ZNF831: variants seen among roughly 807,000 people sequenced by gnomAD.
ZNF831 encodes the protein zinc finger protein 831.
ZNF831 carries 59 observed loss-of-function variants against 95.8 expected under a neutral mutation model. That is an observed-to-expected ratio of 0.62 (90% CI 0.50 to 0.77). The LOEUF is 0.77. Among genes scored for constraint, ZNF831 ranks in the 30% least tolerant of loss-of-function variants. ZNF831 has a pLI of 0.00. For synonymous variants in ZNF831, 961 were observed against 925.5 expected (o/e 1.04, Z -0.70); for missense variants, 2,205 against 2,164.0 (o/e 1.02, Z -0.38).
At position 59,173,238 on chromosome 20, in the gene ZNF831, C is replaced by G. The variant is rs114110752; in HGVS notation, c.-37+9031C>G. On this transcript the variant is annotated intron_variant, in intron 1 of 5. Coordinates refer to ENST00000371030, the MANE Select transcript of ZNF831 (RefSeq NM_178457.3). ...GGATCCCCTTTTTTCCTGATTAGTG[C>G]CCAAATTTTCACATGAGAAGCTTGG... Among the ~76,000 whole-genome samples the G allele has an allele frequency of 4.0e-3, 611 of 152,286 alleles. 2 individuals are homozygous for G. Among genetic ancestry groups the G allele is most frequent in the African/African-American group, 0.014 (591 of 41,556 alleles).
At chr20:59,233,225 C>T (rs1008329838) in intron 4 of ZNF831, among the ~76,000 whole-genome samples, 2 of 152,108 alleles carry the variant, frequency 1.3e-5, no homozygotes, top group African/African-American at 2.4e-5. Context: ...TTTTACAACC[C>T]AGAGGCTCAG....
Position 59,229,281 on chromosome 20 carries a change from A to G in ZNF831, c.4027+22225A>G, listed in dbSNP as rs1600659827. Among the ~76,000 whole-genome samples the G allele has an allele frequency of 2.0e-5, 3 of 152,296 alleles. 1 individual carries two copies. Among genetic ancestry groups the G allele is most frequent in the African/African-American group, 7.2e-5 (3 of 41,560 alleles). On this transcript the variant is annotated intron_variant, in intron 4 of 5. Coordinates refer to ENST00000371030, the MANE Select transcript of ZNF831 (RefSeq NM_178457.3). ...TGGCAGTAAACATGGGAGTGCAACT[A>G]TCTCTTTGGTATAATGATTTCCCTT... is the stretch of plus-strand genomic sequence containing the variant.
At chr20:59,163,369 AC>A (rs1484704038), upstream of ZNF831, among the ~76,000 whole-genome samples, 1 of 152,174 alleles carries the variant, frequency 6.6e-6, no homozygotes, top group East Asian at 1.9e-4. Context: ...TAAAAATAAA[AC>A]CTAATTCAAA....
chr20:59,221,368 T>C (rs1036811883), intron 4 of ZNF831, among the ~76,000 whole-genome samples: 2 of 152,190 alleles, frequency 1.3e-5, no homozygotes, highest in African/African-American at 4.8e-5. Flanking sequence ...GAAACTGGAA[T>C]AATCCTCCAA....
chr20:59,251,107 A>G (rs259960), intron 4 of ZNF831, among the ~76,000 whole-genome samples: 74,573 of 152,130 alleles, frequency 0.49, 19,432 homozygotes, highest in East Asian at 0.89. Context: ...GTTATTAATA[A>G]TCTAATTTAG....
chr20:59,194,448 G>A lies in ZNF831; in HGVS notation c.3429G>A (p.Val1143=). The A allele has an allele frequency of 6.2e-7, 1 of 1,612,944 alleles. No homozygotes were observed. Among genetic ancestry groups the A allele is most frequent in the Non-Finnish European group, 8.5e-7 (1 of 1,179,758 alleles). ...FLTALTRPQG[V]PPGWPELALS... is the part of the protein sequence containing the mutation. ...CTGCCCTCACTCGGCCTCAGGGTGT[G>A]CCCCCAGGCTGGCCAGAGCTGGCCT... The change falls in exon 2 of 6, where the codon GTG becomes GTA. Residue 1143 remains valine, a synonymous_variant. Coordinates refer to ENST00000371030, the MANE Select transcript of ZNF831 (RefSeq NM_178457.3).
upstream of ZNF831, among the ~76,000 whole-genome samples, chr20:59,161,717 A>G (rs948415831): frequency 1.3e-5 from 2 of 152,234 alleles, no homozygotes; most frequent in Non-Finnish European, 1.5e-5. Context: ...GTGCTGTGAT[A>G]AACATACGAG....
chr20:59,144,814 T>C (rs911006534), intron 1 of ZNF831, among the ~76,000 whole-genome samples: 8 of 152,210 alleles, frequency 5.3e-5, no homozygotes, highest in African/African-American at 1.9e-4. Context: ...GGAGTTGATG[T>C]GTTTCAGGCT....
At position 59,247,213 on chromosome 20, in the gene ZNF831, T is replaced by G. The variant is rs530121939; in HGVS notation, c.4028-5765T>G. 9.8e-5 allele frequency among the ~76,000 whole-genome samples: 15 copies of G among 152,340 alleles called. No individual in the cohort carries two copies. The South Asian group carries it at 2.7e-3, about 27-fold the overall frequency. ...AGGGGTGATGTCAGATGATTTACTG[T>G]GTGCATAGTTTTGCTCTTTTCCATA... On this transcript the variant is annotated intron_variant, in intron 4 of 5. Coordinates refer to ENST00000371030, the MANE Select transcript of ZNF831 (RefSeq NM_178457.3).
At chr20:59,248,278 C>G (rs1357508553) in intron 4 of ZNF831, among the ~76,000 whole-genome samples, 1 of 152,216 alleles carries the variant, frequency 6.6e-6, no homozygotes, top group East Asian at 1.9e-4. Context: ...GATGCTGAAG[C>G]CTCAATGGAA....
intron 4 of ZNF831, among the ~76,000 whole-genome samples, chr20:59,228,155 A>G (rs1986530686): frequency 6.6e-6 from 1 of 152,198 alleles, no homozygotes; most frequent in Non-Finnish European, 1.5e-5. Flanking sequence ...CTGTGATGTA[A>G]GTTAGATATT....
intron 4 of ZNF831, among the ~76,000 whole-genome samples, chr20:59,245,062 T>C (rs1049323289): frequency 1.3e-5 from 2 of 152,202 alleles, no homozygotes; most frequent in Non-Finnish European, 2.9e-5. Flanking sequence ...TTAACAGTAT[T>C]TTTAAAAAGA....
At chr20:59,231,827 A>C (rs1470884915) in intron 4 of ZNF831, among the ~76,000 whole-genome samples, 1 of 152,140 alleles carries the variant, frequency 6.6e-6, no homozygotes, top group Non-Finnish European at 1.5e-5. Context: ...CTTCCTTGTC[A>C]CTTCCAGTCA....
Position 59,254,185 on chromosome 20 carries a change from C to T in ZNF831, c.4476C>T (p.Ala1492=), listed in dbSNP as rs369011002. The T allele has an allele frequency of 1.5e-5, 24 of 1,613,964 alleles. No individual in the cohort carries two copies. The Middle Eastern group carries it at 1.2e-3, about 77-fold the overall frequency. Residue 1492 remains alanine, a synonymous_variant, in exon 6 of 6, where the codon GCC becomes GCT. Coordinates refer to ENST00000371030, the MANE Select transcript of ZNF831 (RefSeq NM_178457.3). This position sits in a 1 kb window ranked among gnomAD's most constrained non-coding sequence, Gnocchi z 4.5. The stretch of plus-strand genomic sequence containing the variant: ...ATGACATTGCTACCTCTGTGGCTGC[C>T]GTTTGTATTTCTCTGCCAGTGAGAA... ...PHHDIATSVA[A]VCISLPVRTD... is the part of the protein sequence containing the mutation.
At chr20:59,140,271 C>T (rs951663461) in intron 1 of ZNF831, among the ~76,000 whole-genome samples, 14 of 152,164 alleles carry the variant, frequency 9.2e-5, no homozygotes, top group African/African-American at 2.9e-4. Flanking sequence ...AAAGCTGGCT[C>T]ATTTGGACTC....
At chr20:59,212,019 A>T (rs555777708) in intron 4 of ZNF831, among the ~76,000 whole-genome samples, 5 of 152,252 alleles carry the variant, frequency 3.3e-5, no homozygotes, top group African/African-American at 1.2e-4. Flanking sequence ...AAAACTTTAG[A>T]TACTAATCCT....
At chr20:59,142,137 A>T (rs1979702155) in intron 1 of ZNF831, among the ~76,000 whole-genome samples, 2 of 152,090 alleles carry the variant, frequency 1.3e-5, no homozygotes, top group Admixed American at 1.3e-4. Context: ...AAGTGAACCA[A>T]TCAGATCCTC....
chr20:59,172,288 C>T (rs1469127260), intron 1 of ZNF831, among the ~76,000 whole-genome samples: 1 of 152,192 alleles, frequency 6.6e-6, no homozygotes, highest in Non-Finnish European at 1.5e-5. Flanking sequence ...TTCCCTGTTG[C>T]TCCCGTGGCA....
chr20:59,194,394 T>A lies in ZNF831; in HGVS notation c.3375T>A (p.Cys1125Ter), dbSNP rs777210706. Residue 1125 changes from cysteine (C) to a stop codon, truncating the protein, a stop_gained, in exon 2 of 6, where the codon TGT (cysteine) becomes TGA (stop). Coordinates refer to ENST00000371030, the MANE Select transcript of ZNF831 (RefSeq NM_178457.3). LOFTEE classifies it high-confidence loss of function. ...SSGPLVGPDP[C>*]SPLQPGSFLT... ...GGCCCCTGGTGGGCCCCGACCCGTGTTCCCCCCTCCAGCCTGGCTCCTTCC... is the reference window on the plus strand; with the variant it reads ...GGCCCCTGGTGGGCCCCGACCCGTGATCCCCCCTCCAGCCTGGCTCCTTCC... The A allele has an allele frequency of 3.7e-6, 6 of 1,610,026 alleles. 1 individual carries two copies. The highest frequency in any genetic ancestry group is 4.2e-6 in the Non-Finnish European group (5 of 1,178,216).
Sources: gnomAD v4.1 joint callset for allele counts (sites outside exome capture counted in the v4.1 genomes callset) on GRCh38, gnomAD v4.1.1 for gene constraint, Gnocchi (gnomAD v3.1) non-coding constraint, MANE v1.5 for transcripts, NCBI Gene and HGNC (gene_info 2026-07-23, HGNC 2026-07-21) for gene names.